CYP2C18: variants seen among roughly 807,000 people sequenced by gnomAD.
CYP2C18 encodes cytochrome P450 2C18.
Under a neutral mutation model 41.3 loss-of-function variants are expected in CYP2C18, and 38 were observed. The ratio of observed to expected loss-of-function variants is 0.92; its 90% CI spans 0.71 to 1.21. The LOEUF (loss-of-function observed/expected upper bound fraction) is 1.21, where lower values mean the gene tolerates loss of function less well. Among genes scored for constraint, CYP2C18 ranks in the 50% most tolerant of loss-of-function variants. The probability of loss-of-function intolerance (pLI) is 0.00; values close to 1 mark genes in which losing one functional copy is unlikely to be tolerated. For missense variants in CYP2C18, 635 were observed against 591.4 expected, an observed-to-expected ratio of 1.07 and a Z score of -0.77; for synonymous variants, 236 against 210.0, an observed-to-expected ratio of 1.12 and a Z score of -1.07.
intron 5 of CYP2C18, among the ~76,000 whole-genome samples, chr10:94,716,813 T>G (rs1034073916): frequency 2.6e-5 from 4 of 152,052 alleles, no homozygotes; most frequent in African/African-American, 9.7e-5. Flanking sequence ...TGTGTAGGAG[T>G]CTAATTATCT....
intron 4 of CYP2C18, among the ~76,000 whole-genome samples, chr10:94,703,054 A>T (rs1182763906): frequency 6.6e-6 from 1 of 152,172 alleles, no homozygotes; most frequent in Admixed American, 6.5e-5. Flanking sequence ...CCTGGGTATC[A>T]CCAGCAGCGG....
intron 7 of CYP2C18, among the ~76,000 whole-genome samples, chr10:94,730,398 A>G (rs1033761891): frequency 3.9e-5 from 6 of 152,192 alleles, no homozygotes; most frequent in African/African-American, 1.4e-4. Context: ...TTCAAGGGAA[A>G]TCACAAAACA....
At chr10:94,699,516 T>C (rs1029132574) in intron 4 of CYP2C18, among the ~76,000 whole-genome samples, 5 of 150,684 alleles carry the variant, frequency 3.3e-5, no homozygotes, top group Non-Finnish European at 7.5e-5. Context: ...AACCCAAAGC[T>C]GATCATACCG....
At chr10:94,722,013 A>T (rs1589804839) in intron 6 of CYP2C18, among the ~76,000 whole-genome samples, 2 of 152,146 alleles carry the variant, frequency 1.3e-5, no homozygotes, top group African/African-American at 4.8e-5. Flanking sequence ...TTTATTTTGG[A>T]TAGATACCCA....
intron 5 of CYP2C18, among the ~76,000 whole-genome samples, chr10:94,717,237 G>T (rs1032137819): frequency 1.3e-5 from 2 of 152,138 alleles, no homozygotes; most frequent in African/African-American, 4.8e-5. Context: ...ATGTTAGCTG[G>T]TTATTTTGCT....
intron 6 of CYP2C18, among the ~76,000 whole-genome samples, chr10:94,721,238 C>T (rs1396629054): frequency 1.3e-5 from 2 of 152,086 alleles, no homozygotes; most frequent in Admixed American, 6.6e-5. Context: ...TAGGCTCAAA[C>T]TCCTGATCTC....
chr10:94,711,514 C>T (rs1310400715), intron 5 of CYP2C18, among the ~76,000 whole-genome samples: 1 of 151,888 alleles, frequency 6.6e-6, no homozygotes, highest in Non-Finnish European at 1.5e-5. Flanking sequence ...CTCAAGTGAT[C>T]CTCCCACCTC....
At chr10:94,713,436 G>T (rs1375049147) in intron 5 of CYP2C18, among the ~76,000 whole-genome samples, 5 of 151,890 alleles carry the variant, frequency 3.3e-5, no homozygotes, top group South Asian at 2.1e-4. Context: ...GCGGTGTTTG[G>T]TTTTTTGTCT....
intron 5 of CYP2C18, among the ~76,000 whole-genome samples, chr10:94,717,408 C>G (rs1029968078): frequency 6.6e-6 from 1 of 152,112 alleles, no homozygotes. Flanking sequence ...GTTTGCTTGT[C>G]TGTAAAGGAT....
At chr10:94,696,208 T>G (rs1847114136) in intron 4 of CYP2C18, among the ~76,000 whole-genome samples, 1 of 152,138 alleles carries the variant, frequency 6.6e-6, no homozygotes, top group Non-Finnish European at 1.5e-5. Flanking sequence ...GACCCCCCAG[T>G]AGCCTAACTG....
At chr10:94,731,993 TAAACTA>T (rs1206358288) in intron 7 of CYP2C18, among the ~76,000 whole-genome samples, 2 of 152,180 alleles carry the variant, frequency 1.3e-5, no homozygotes, top group Admixed American at 6.5e-5. Context: ...AGTTACAAAT[TAAACTA>T]AAGAGCTTCT....
At chr10:94,700,997 AG>A (rs571300084) in intron 4 of CYP2C18, among the ~76,000 whole-genome samples, 222 of 152,372 alleles carry the variant, frequency 1.5e-3, no homozygotes, top group African/African-American at 5.2e-3. Flanking sequence ...ATGGAGAAAT[AG>A]GTACAGTTTT....
chr10:94,726,139 G>A (rs1302988435), intron 7 of CYP2C18, among the ~76,000 whole-genome samples: 5 of 152,008 alleles, frequency 3.3e-5, no homozygotes, highest in African/African-American at 1.2e-4. Context: ...ACAGAATTAT[G>A]CAACACCTTC....
At chr10:94,728,433 C>T (rs1472242991) in intron 7 of CYP2C18, 2 of 152,874 alleles carry the variant, frequency 1.3e-5, no homozygotes, top group African/African-American at 2.4e-5. Flanking sequence ...TATTACTTTC[C>T]CAAATAATTT....
At chr10:94,698,365 C>G (rs998829264) in intron 4 of CYP2C18, among the ~76,000 whole-genome samples, 5 of 152,190 alleles carry the variant, frequency 3.3e-5, no homozygotes, top group Non-Finnish European at 7.3e-5. Flanking sequence ...ACTGAACAAA[C>G]TGCTCCTGAA....
intron 5 of CYP2C18, among the ~76,000 whole-genome samples, chr10:94,709,764 G>A (rs1847403687): frequency 6.6e-6 from 1 of 152,150 alleles, no homozygotes; most frequent in Non-Finnish European, 1.5e-5. Context: ...TCCACTCTGA[G>A]TCAATTTTTG....
intron 6 of CYP2C18, among the ~76,000 whole-genome samples, chr10:94,721,061 T>G (rs1052845277): frequency 3.3e-5 from 5 of 151,930 alleles, no homozygotes; most frequent in Non-Finnish European, 7.4e-5. Flanking sequence ...TCACCCAGGC[T>G]GGAGTGCAGT....
intron 4 of CYP2C18, among the ~76,000 whole-genome samples, chr10:94,700,600 C>T (rs564904455): frequency 6.6e-5 from 10 of 152,278 alleles, no homozygotes; most frequent in Admixed American, 1.3e-4. Flanking sequence ...AAAGCAATGG[C>T]AACAAAAGCC....
intron 7 of CYP2C18, among the ~76,000 whole-genome samples, chr10:94,730,308 T>C (rs1390834952): frequency 1.3e-5 from 2 of 152,284 alleles, no homozygotes; most frequent in South Asian, 2.1e-4. Context: ...TTCCAAATAA[T>C]GTTTTTTAAA....
Sources: allele counts gnomAD v4.1 joint callset (sites outside exome capture counted in the v4.1 genomes callset), GRCh38; gene constraint gnomAD v4.1.1; transcripts MANE v1.5; gene names NCBI Gene and HGNC (gene_info 2026-07-23, HGNC 2026-07-21).